CCNG2: variants seen among roughly 807,000 people sequenced by gnomAD.
The protein encoded by CCNG2 is cyclin-G2.
In CCNG2, 20 loss-of-function variants were observed where a neutral mutation model predicts 36.5. The observed-to-expected ratio is 0.55, with a 90% CI of 0.39 to 0.80. The LOEUF (loss-of-function observed/expected upper bound fraction) is 0.80. Among genes scored for constraint, CCNG2 ranks in the 30% least tolerant of loss-of-function variants. The pLI, the probability that CCNG2 is intolerant of heterozygous loss-of-function variation, is 0.00. For synonymous variants in CCNG2, 155 were observed against 140.1 expected, an observed-to-expected ratio of 1.11 and a Z score of -0.75; for missense variants, 358 against 390.8, an observed-to-expected ratio of 0.92 and a Z score of 0.71.
At position 77,166,013 on chromosome 4, in the gene CCNG2, A is replaced by G; in HGVS notation, c.*89A>G. The G allele has an allele frequency of 3.1e-6, 4 of 1,275,204 alleles. No homozygotes were observed. Among genetic ancestry groups the G allele is most frequent in the Non-Finnish European group, 4.3e-6 (4 of 931,410 alleles). 79.0% of individuals were successfully genotyped at this position (1,275,204 alleles called of 1,614,324 possible). A position where few individuals can be genotyped will look rare whatever the true frequency, so the allele number is the denominator to read the frequency against. Reference sequence around the variant, plus strand: ...TAGTTTCCTGGTTTAGCCCCCATCTAGTCAGGAATTAATATACTGGAATAC... The same window carrying G: ...TAGTTTCCTGGTTTAGCCCCCATCTGGTCAGGAATTAATATACTGGAATAC... On this transcript the variant is annotated 3_prime_UTR_variant, in exon 8 of 8. Coordinates refer to ENST00000316355, the MANE Select transcript of CCNG2 (RefSeq NM_004354.3).
intron 2 of CCNG2, 25 bp downstream of exon 2, chr4:77,158,695 G>A: frequency 6.2e-7 from 1 of 1,613,364 alleles, no homozygotes; most frequent in Non-Finnish European, 8.5e-7. Context: ...AAGATAACTT[G>A]CTCAAGCAGC....
intron 2 of CCNG2, 107 bp downstream of exon 2, chr4:77,158,777 A>C: frequency 8.3e-7 from 1 of 1,197,714 alleles, no homozygotes; most frequent in Non-Finnish European, 1.2e-6. Flanking sequence ...ATTTCTTAAA[A>C]GTTGTTCTTT....
At chr4:77,157,997 G>A (rs1279345973) in intron 1 of CCNG2, among the ~76,000 whole-genome samples, 2 of 151,996 alleles carry the variant, frequency 1.3e-5, no homozygotes, top group Non-Finnish European at 2.9e-5. Context: ...CGCTGCAGCA[G>A]CGGACGGGAA....
In CCNG2 at chr4:77,158,778, G is replaced by A. The variant is rs1731345049; in HGVS notation, c.138+108G>A. 3.4e-6 allele frequency: 4 copies of A among 1,193,582 alleles called. No homozygotes were observed. In the East Asian group the frequency reaches 1.0e-4, roughly 30 times the overall value. The allele number at this position is 1,193,582 out of a possible 1,614,324, so 73.9% of individuals were successfully genotyped here. ...CTAAAGCCTGCAAAATTTCTTAAAA[G>A]TTGTTCTTTCTGGAGTACCAAGATA... On this transcript the variant is annotated intron_variant, in intron 2 of 7. Transcript: ENST00000316355.
chr4:77,164,205 C>A, intron 6 of CCNG2, 69 bp from the exon 7 acceptor site: 1 of 1,123,002 alleles, frequency 8.9e-7, no homozygotes, highest in Non-Finnish European at 1.3e-6. Context: ...CATAGCTCAC[C>A]TAGTGATTCC....
At position 77,159,235 on chromosome 4, in the gene CCNG2, T is replaced by C. The variant is rs4150058; in HGVS notation, c.139-132T>C. On this transcript the variant is annotated intron_variant, in intron 2 of 7. Transcript: ENST00000316355. ...TAAGCGATACCACTCTTTCCACCTATATTCTTGAAGATTGAGGGAAAAAAA... is the reference window on the plus strand; with the variant it reads ...TAAGCGATACCACTCTTTCCACCTACATTCTTGAAGATTGAGGGAAAAAAA... 3,294 of 722,334 alleles carry C rather than the reference T, an allele frequency of 4.6e-3. 78 individuals are homozygous for C. In the African/African-American group the frequency reaches 0.05, roughly 11 times the overall value. 44.7% of individuals were successfully genotyped at this position (722,334 alleles called of 1,614,324 possible).
intron 1 of CCNG2, among the ~76,000 whole-genome samples, chr4:77,157,978 C>T (rs1394881418): frequency 1.3e-5 from 2 of 151,910 alleles, no homozygotes; most frequent in Admixed American, 6.6e-5. Flanking sequence ...CGGGTAAGTC[C>T]GGAATCGGCG....
rs4150048 is a variant in CCNG2 at position 77,157,472 on chromosome 4, A to C, written c.-35A>C. 0.028 allele frequency: 4,192 copies of C among 152,406 alleles called. 107 individuals carry two copies. Among genetic ancestry groups the C allele is most frequent in the African/African-American group, 0.065 (2,705 of 41,512 alleles). The allele number at this position is 152,406 out of a possible 1,614,324, so 9.4% of individuals were successfully genotyped here. On this transcript the variant is annotated 5_prime_UTR_variant, in exon 1 of 8. Transcript: ENST00000316355. ...CTGCGCCCAGTCCGTGCGGACCGCG[A>C]GGCCGCGGGCGGGTGGAGGCGCGTC... is the stretch of plus-strand genomic sequence containing the variant.
chr4:77,164,586 A>G, intron 7 of CCNG2, 107 bp downstream of exon 7: 1 of 745,878 alleles, frequency 1.3e-6, no homozygotes, highest in Admixed American at 2.9e-5. Flanking sequence ...AAGCACCTAC[A>G]CTAAGAGCTA....
intron 3 of CCNG2, 124 bp downstream of exon 3, chr4:77,159,628 G>T: frequency 1.1e-6 from 1 of 884,300 alleles, no homozygotes; most frequent in South Asian, 2.1e-5. Flanking sequence ...TTTATAATCA[G>T]AATTGTGATC....
rs1553894301 is a variant in CCNG2 at position 77,160,534 on chromosome 4, G to GGGC, written c.277-185_277-184insCGG. On this transcript the variant is annotated intron_variant, in intron 3 of 7. Transcript: ENST00000316355. ...TGTTCCCTGCTGCCTTTTTTTTTGG[G>GGGC]GGGGGGGGGAGGTCGAGAACGTCTA... 1.0e-4 allele frequency among the ~76,000 whole-genome samples: 15 copies of GGGC among 148,024 alleles called. 1 individual carries two copies. The highest frequency in any genetic ancestry group is 8.0e-4 in the Admixed American group (12 of 14,932).
rs1036812363 is a variant in CCNG2, at chr4:77,164,544, G to C, written c.911+65G>C. On this transcript the variant is annotated intron_variant, in intron 7 of 7. Transcript: ENST00000316355. ...AATATTACTGAGTTTATTATACTCA[G>C]AACTGGAATAGTGTAAGACATCAGA... 9.2e-6 allele frequency: 11 copies of C among 1,201,414 alleles called. No homozygotes were observed. The Admixed American group carries it at 2.1e-4, about 23-fold the overall frequency. 74.4% of individuals were successfully genotyped at this position (1,201,414 alleles called of 1,614,324 possible).
Position 77,169,807 on chromosome 4 carries a change from C to T in CCNG2, c.*3883C>T, listed in dbSNP as rs1347415692. The T allele has an allele frequency of 6.6e-6, 1 of 152,180 alleles. No individual in the cohort carries two copies. The highest frequency in any genetic ancestry group is 1.5e-5 in the Non-Finnish European group (1 of 68,034). 9.4% of individuals were successfully genotyped at this position (152,180 alleles called of 1,614,324 possible). On this transcript the variant is annotated 3_prime_UTR_variant, in exon 8 of 8. Coordinates refer to ENST00000316355, the MANE Select transcript of CCNG2 (RefSeq NM_004354.3). The stretch of plus-strand genomic sequence containing the variant: ...AAAACAGAGGAACTACTCAGTCGAT[C>T]CCAATCAACCCACAGACTCACTAGA...
In CCNG2 at chr4:77,168,657, G is replaced by T. The variant is rs1283875398; in HGVS notation, c.*2733G>T. On this transcript the variant is annotated 3_prime_UTR_variant, in exon 8 of 8. Transcript: ENST00000316355. ...TGGAGACCAGTCTGACTGAACTAAG[G>T]CAGTGGAAGTGTGGATGAGGAAGAG... 2.6e-5 allele frequency: 4 copies of T among 151,926 alleles called. No homozygotes were observed. Among genetic ancestry groups the T allele is most frequent in the Non-Finnish European group, 1.5e-5 (1 of 68,096 alleles). The allele number at this position is 151,926 out of a possible 1,614,324, so 9.4% of individuals were successfully genotyped here.
intron 3 of CCNG2, among the ~76,000 whole-genome samples, 188 bp from the exon 4 acceptor site, chr4:77,160,533 G>GGT (rs1553894294): frequency 3.1e-5 from 4 of 128,290 alleles, no homozygotes; most frequent in African/African-American, 1.1e-4. Context: ...TTTTTTTTTG[G>GGT]GGGGGGGGGG....
rs1008465244 is a variant in CCNG2 at position 77,168,660 on chromosome 4, G to A, written c.*2736G>A. On this transcript the variant is annotated 3_prime_UTR_variant, in exon 8 of 8. Coordinates refer to ENST00000316355, the MANE Select transcript of CCNG2 (RefSeq NM_004354.3). Reference sequence around the variant, plus strand: ...AGACCAGTCTGACTGAACTAAGGCAGTGGAAGTGTGGATGAGGAAGAGAGG... The same window carrying A: ...AGACCAGTCTGACTGAACTAAGGCAATGGAAGTGTGGATGAGGAAGAGAGG... The A allele has an allele frequency of 2.0e-5, 3 of 151,632 alleles. No individual in the cohort carries two copies. Among genetic ancestry groups the A allele is most frequent in the Non-Finnish European group, 4.4e-5 (3 of 68,092 alleles). The allele number at this position is 151,632 out of a possible 1,614,324, so 9.4% of individuals were successfully genotyped here. A position where few individuals can be genotyped will look rare whatever the true frequency, so the allele number is the denominator to read the frequency against.
chr4:77,164,548 TG>T (rs1328381934), intron 7 of CCNG2, 69 bp downstream of exon 7: 2 of 1,158,772 alleles, frequency 1.7e-6, no homozygotes, highest in African/African-American at 3.1e-5. Context: ...TACTCAGAAC[TG>T]GAATAGTGTA....
Position 77,167,163 on chromosome 4 carries a change from GAAGTGATAAT to G in CCNG2, c.*1241_*1250del, listed in dbSNP as rs2109925886. ...GATGTTTTCTGAAGTGGCTCTTTTT[GAAGTGATAAT>G]AGATTGTAATTCAAAATAAAATTAT... On this transcript the variant is annotated 3_prime_UTR_variant, in exon 8 of 8. Transcript: ENST00000316355. 1 of 152,246 alleles carries G rather than the reference GAAGTGATAAT, an allele frequency of 6.6e-6. No homozygotes were observed. Among genetic ancestry groups the G allele is most frequent in the South Asian group, 2.1e-4 (1 of 4,824 alleles). The allele number at this position is 152,246 out of a possible 1,614,324, so 9.4% of individuals were successfully genotyped here.
In CCNG2 at chr4:77,161,531, C is replaced by A; in HGVS notation, c.579C>A (p.Asn193Lys). The A allele has an allele frequency of 6.2e-7, 1 of 1,612,204 alleles. No homozygotes were observed. The highest frequency in any genetic ancestry group is 8.5e-7 in the Non-Finnish European group (1 of 1,179,234). The change falls in exon 5 of 8, where the codon AAC (asparagine) becomes AAA (lysine). Residue 193 changes from asparagine (N) to lysine (K), a missense_variant. Physicochemically the swap from Asn to Lys is moderately conservative, Grantham distance 94. Coordinates refer to ENST00000316355, the MANE Select transcript of CCNG2 (RefSeq NM_004354.3). ...DKLEAQLKAC[N>K]CRLIFSKAKP... The stretch of plus-strand genomic sequence containing the variant: ...TAGAAGCTCAGCTGAAAGCTTGCAA[C>A]TGCCGACTCATCTTTTCAAAAGCAA...
Sources: gnomAD v4.1 joint callset for allele counts (sites outside exome capture counted in the v4.1 genomes callset) on GRCh38, gnomAD v4.1.1 for gene constraint, MANE v1.5 for transcripts, NCBI Gene and HGNC (gene_info 2026-07-23, HGNC 2026-07-21) for gene names.